RGS8: variants seen among roughly 807,000 people sequenced by gnomAD.
The protein encoded by RGS8 is regulator of G protein signaling 8.
RGS8 carries 8 observed loss-of-function variants against 21.7 expected under a neutral mutation model. The ratio of observed to expected loss-of-function variants is 0.37; its 90% CI spans 0.22 to 0.66. The LOEUF (loss-of-function observed/expected upper bound fraction) is 0.66, where lower values mean the gene tolerates loss of function less well. Ranked by LOEUF, RGS8 falls within the 30% of genes least tolerant of loss-of-function variation. The probability of loss-of-function intolerance (pLI) is 0.59; values close to 1 mark genes in which losing one functional copy is unlikely to be tolerated. For missense variants in RGS8, 157 were observed against 217.9 expected (o/e 0.72, Z 1.76); for synonymous variants, 80 against 83.6 (o/e 0.96, Z 0.24).
chr1:182,748,177 TG>T, the RGS8 span, among the ~76,000 whole-genome samples: 1 of 152,234 alleles, frequency 6.6e-6, no homozygotes, highest in African/African-American at 2.4e-5. Flanking sequence ...CAACTGTAGT[TG>T]TGTTGCTGTA....
chr1:182,650,828 T>G (rs1055766243), intron 5 of RGS8, among the ~76,000 whole-genome samples: 1 of 152,186 alleles, frequency 6.6e-6, no homozygotes, highest in African/African-American at 2.4e-5. Flanking sequence ...GAAGGCTGCA[T>G]TACTGTTAAT....
intron 5 of RGS8, among the ~76,000 whole-genome samples, chr1:182,655,202 C>A (rs527599255): frequency 6.6e-6 from 1 of 152,322 alleles, no homozygotes; most frequent in South Asian, 2.1e-4. Context: ...AGCATTCTCA[C>A]GCATGTAGAA....
chr1:182,693,025 C>T, the RGS8 span, among the ~76,000 whole-genome samples: 2,039 of 152,270 alleles, frequency 0.013, 47 homozygotes, highest in African/African-American at 0.047. Flanking sequence ...TATAACCACC[C>T]TTGGAGAAAA....
chr1:182,715,917 A>G, the RGS8 span, among the ~76,000 whole-genome samples: 1 of 152,164 alleles, frequency 6.6e-6, no homozygotes, highest in African/African-American at 2.4e-5. Flanking sequence ...CACCCTTGAT[A>G]TCCAAGGAGG....
At chr1:182,701,322 G>T in the RGS8 span, among the ~76,000 whole-genome samples, 99 of 152,172 alleles carry the variant, frequency 6.5e-4, no homozygotes, top group Non-Finnish European at 1.5e-4. Context: ...ACTTCCTAAA[G>T]AAATTCAGTT....
the RGS8 span, among the ~76,000 whole-genome samples, chr1:182,707,258 A>C: frequency 6.6e-6 from 1 of 152,178 alleles, no homozygotes; most frequent in South Asian, 2.1e-4. Flanking sequence ...TAATGGAAGG[A>C]GGCTGGAGAG....
At chr1:182,705,337 C>T in the RGS8 span, among the ~76,000 whole-genome samples, 225 of 152,264 alleles carry the variant, frequency 1.5e-3, 1 homozygote, top group African/African-American at 5.2e-3. Flanking sequence ...CTTCCTCTGC[C>T]TTTTTATTCT....
chr1:182,660,064 AATGC>A (rs1475658592), intron 5 of RGS8, among the ~76,000 whole-genome samples: 1 of 152,202 alleles, frequency 6.6e-6, no homozygotes. Flanking sequence ...ACAGGCATGA[AATGC>A]ATGTTTTCTC....
At chr1:182,741,129 G>T in the RGS8 span, among the ~76,000 whole-genome samples, 3 of 151,304 alleles carry the variant, frequency 2.0e-5, no homozygotes, top group African/African-American at 4.9e-5. Context: ...CAGTAGGCGC[G>T]GCCGGGCAGA....
chr1:182,674,622 G>A (rs1411829483), upstream of RGS8, among the ~76,000 whole-genome samples: 2 of 152,190 alleles, frequency 1.3e-5, no homozygotes, highest in African/African-American at 4.8e-5. Context: ...GGAGAATTAA[G>A]CTGAACCTAA....
At chr1:182,710,922 C>T in the RGS8 span, among the ~76,000 whole-genome samples, 1 of 152,154 alleles carries the variant, frequency 6.6e-6, no homozygotes. Context: ...GCAACCTTTC[C>T]CCAGCACCTA....
the RGS8 span, among the ~76,000 whole-genome samples, chr1:182,692,603 C>T: frequency 1.5e-5 from 2 of 129,782 alleles, no homozygotes; most frequent in East Asian, 2.5e-4. Context: ...TGATATTTTT[C>T]ACAGAATTAA....
At chr1:182,740,535 TTTTTG>T in the RGS8 span, among the ~76,000 whole-genome samples, 4 of 92,790 alleles carry the variant, frequency 4.3e-5, no homozygotes, top group South Asian at 3.9e-4. Context: ...CATGTTGTTT[TTTTTG>T]TTTGTTTGTT....
upstream of RGS8, among the ~76,000 whole-genome samples, chr1:182,688,742 G>A (rs554358775): frequency 6.6e-4 from 101 of 152,304 alleles, 1 homozygote; most frequent in African/African-American, 2.4e-3. Context: ...TTGAAATGGA[G>A]AAAGAAGGCC....
At chr1:182,672,898 A>T, upstream of RGS8, 2 of 1,590,386 alleles carry the variant, frequency 1.3e-6, no homozygotes, top group Non-Finnish European at 1.7e-6. Context: ...GTGGTTCTCC[A>T]AGCGTGGTCC....
intron 1 of RGS8, among the ~76,000 whole-genome samples, chr1:182,679,010 T>C (rs944309764): frequency 6.6e-6 from 1 of 152,214 alleles, no homozygotes; most frequent in Non-Finnish European, 1.5e-5. Context: ...TGCCCTCAGA[T>C]GTGTCTATTT....
At chr1:182,696,291 C>T in the RGS8 span, among the ~76,000 whole-genome samples, 1 of 152,194 alleles carries the variant, frequency 6.6e-6, no homozygotes, top group African/African-American at 2.4e-5. Context: ...CAAACCTAGT[C>T]TCTGTCTAGC....
chr1:182,677,819 G>A (rs1571353785), upstream of RGS8, among the ~76,000 whole-genome samples: 1 of 152,180 alleles, frequency 6.6e-6, no homozygotes, highest in African/African-American at 2.4e-5. Flanking sequence ...CTAAGCCTGC[G>A]ATTCTTCCTT....
chr1:182,696,666 C>T, the RGS8 span, among the ~76,000 whole-genome samples: 1 of 152,202 alleles, frequency 6.6e-6, no homozygotes, highest in Non-Finnish European at 1.5e-5. Context: ...TAACTTTAAA[C>T]CTTGGATCTG....
Sources: allele counts gnomAD v4.1 joint callset (sites outside exome capture counted in the v4.1 genomes callset), GRCh38; gene constraint gnomAD v4.1.1; transcripts MANE v1.5; gene names NCBI Gene and HGNC (gene_info 2026-07-23, HGNC 2026-07-21).